The following GRM5 variants were observed in gnomAD, a reference collection of about 807,000 sequenced individuals.
GRM5 encodes glutamate metabotropic receptor 5, also known as metabotropic glutamate receptor 5.
A neutral mutation model predicts 83.1 loss-of-function variants in GRM5; 19 were observed. The observed-to-expected ratio is 0.23, with a 90% CI of 0.16 to 0.34. The LOEUF is 0.34. Ranked by LOEUF, GRM5 falls within the 10% of genes least tolerant of loss-of-function variation. The pLI is 1.00. For missense variants in GRM5, 1,160 were observed against 1,588.3 expected, an observed-to-expected ratio of 0.73 and a Z score of 4.58; for synonymous variants, 675 against 633.6, an observed-to-expected ratio of 1.07 and a Z score of -0.98.
chr11:88,648,942 GC>G (rs1565170848), intron 4 of GRM5, among the ~76,000 whole-genome samples: 1,282 of 150,822 alleles, frequency 8.5e-3, no homozygotes, highest in African/African-American at 0.029. Flanking sequence ...TTAAACTGAT[GC>G]AATTCTTTAT....
intron 2 of GRM5, among the ~76,000 whole-genome samples, chr11:88,951,053 C>T (rs116390897): frequency 0.02 from 3,050 of 148,806 alleles, 115 homozygotes; most frequent in African/African-American, 0.071. Flanking sequence ...TTGACAATTT[C>T]TTTTTCTCAA....
intron 4 of GRM5, among the ~76,000 whole-genome samples, chr11:88,649,081 CAT>C (rs1411664737): frequency 1.4e-5 from 2 of 142,454 alleles, no homozygotes; most frequent in African/African-American, 5.1e-5. Flanking sequence ...ATATATAATA[CAT>C]ATATTAAAAT....
At chr11:88,853,384 G>A (rs761368555) in intron 2 of GRM5, among the ~76,000 whole-genome samples, 3 of 151,930 alleles carry the variant, frequency 2.0e-5, no homozygotes, top group Admixed American at 2.0e-4. Flanking sequence ...GGAAGAGGAA[G>A]GCCATTAAAG....
chr11:89,004,132 G>T (rs757274471), intron 2 of GRM5, among the ~76,000 whole-genome samples: 2 of 151,846 alleles, frequency 1.3e-5, no homozygotes, highest in African/African-American at 2.4e-5. Flanking sequence ...AATAGCAGAG[G>T]TCTTCGCAAA....
intron 3 of GRM5, among the ~76,000 whole-genome samples, chr11:88,711,917 ACT>A (rs1409724321): frequency 6.6e-6 from 1 of 151,944 alleles, no homozygotes; most frequent in African/African-American, 2.4e-5. Flanking sequence ...GGTAATCTAC[ACT>A]CTCCCTGACC....
At chr11:88,514,500 C>T (rs1941471528) in intron 9 of GRM5, among the ~76,000 whole-genome samples, 1 of 152,032 alleles carries the variant, frequency 6.6e-6, no homozygotes. Context: ...TTAGAGTATT[C>T]TGCCATGGTA....
rs187937339 is a variant in GRM5, at chr11:88,773,933, A to G, written c.911+75973T>C. Among the ~76,000 whole-genome samples the G allele has an allele frequency of 2.7e-3, 413 of 152,172 alleles. 1 individual carries two copies. Among genetic ancestry groups the G allele is most frequent in the Non-Finnish European group, 4.5e-3 (309 of 67,984 alleles). On this transcript the variant is annotated intron_variant, in intron 3 of 9. Transcript: ENST00000305447. ...TTGCTTAGTATTATCTTGGCAATGA[A>G]GGCTCTTTTTTGGTTCCATATGAAC...
intron 3 of GRM5, among the ~76,000 whole-genome samples, chr11:88,672,155 GATAAAACCGATT>G (rs1198729152): frequency 2.6e-5 from 4 of 151,842 alleles, no homozygotes; most frequent in Non-Finnish European, 5.9e-5. Flanking sequence ...GTGATATAAT[GATAAAACCGATT>G]ATAGCTAACA....
At chr11:88,674,983 C>T (rs1940288647) in intron 3 of GRM5, among the ~76,000 whole-genome samples, 2 of 151,944 alleles carry the variant, frequency 1.3e-5, no homozygotes, top group African/African-American at 2.4e-5. Context: ...CTGTATGCCA[C>T]ATTACTGTAG....
At chr11:88,562,410 T>C (rs1160043735) in intron 8 of GRM5, among the ~76,000 whole-genome samples, 1 of 152,180 alleles carries the variant, frequency 6.6e-6, no homozygotes, top group East Asian at 1.9e-4. Context: ...GCAAGTATTC[T>C]CACCGTGCAG....
At chr11:88,670,644 A>G (rs140904944) in intron 3 of GRM5, among the ~76,000 whole-genome samples, 362 of 152,212 alleles carry the variant, frequency 2.4e-3, no homozygotes, top group African/African-American at 8.4e-3. Flanking sequence ...GTGGTCAGGA[A>G]GCTTGAACAC....
At chr11:88,984,433 C>T (rs563061607) in intron 2 of GRM5, among the ~76,000 whole-genome samples, 4 of 152,246 alleles carry the variant, frequency 2.6e-5, no homozygotes, top group East Asian at 1.9e-4. Flanking sequence ...ACAAGTGTAG[C>T]GTAGGCTATC....
intron 3 of GRM5, among the ~76,000 whole-genome samples, chr11:88,705,822 T>C (rs1941143660): frequency 6.6e-6 from 1 of 152,054 alleles, no homozygotes; most frequent in Non-Finnish European, 1.5e-5. Context: ...TTCTTGGGTA[T>C]GTCACCCAAG....
At chr11:89,057,033 G>T (rs908906469) in intron 1 of GRM5, among the ~76,000 whole-genome samples, 1 of 152,192 alleles carries the variant, frequency 6.6e-6, no homozygotes, top group Admixed American at 6.5e-5. Flanking sequence ...TATATAATCA[G>T]ATTCACAGCT....
chr11:88,820,830 CA>C (rs1943776430), intron 3 of GRM5, among the ~76,000 whole-genome samples: 1 of 152,082 alleles, frequency 6.6e-6, no homozygotes, highest in Non-Finnish European at 1.5e-5. Context: ...ACATATAATA[CA>C]AGTAGAAAAT....
intron 8 of GRM5, among the ~76,000 whole-genome samples, chr11:88,552,863 T>G (rs308785): frequency 0.23 from 34,432 of 151,996 alleles, 6,245 homozygotes; most frequent in African/African-American, 0.51. Flanking sequence ...GTCTGTACAG[T>G]GAATGCAATT....
At chr11:89,003,062 T>C (rs1164828740) in intron 2 of GRM5, among the ~76,000 whole-genome samples, 1 of 152,150 alleles carries the variant, frequency 6.6e-6, no homozygotes, top group Non-Finnish European at 1.5e-5. Context: ...ACAGAATATA[T>C]GCTCAACAAA....
intron 2 of GRM5, among the ~76,000 whole-genome samples, chr11:88,984,310 C>T (rs1264355851): frequency 6.6e-6 from 1 of 152,088 alleles, no homozygotes; most frequent in African/African-American, 2.4e-5. Context: ...TGTACCTTTT[C>T]TATGTTTATA....
chr11:88,950,945 C>T (rs1350936367), intron 2 of GRM5, among the ~76,000 whole-genome samples: 1 of 152,160 alleles, frequency 6.6e-6, no homozygotes, highest in Non-Finnish European at 1.5e-5. Flanking sequence ...TGCAGTTATA[C>T]TCCAGTTTTA....
Sources: gnomAD v4.1 joint callset for allele counts (sites outside exome capture counted in the v4.1 genomes callset) on GRCh38, gnomAD v4.1.1 for gene constraint, MANE v1.5 for transcripts, NCBI Gene and HGNC (gene_info 2026-07-23, HGNC 2026-07-21) for gene names.